Variants in BCL2 observed in about 807,000 individuals in gnomAD.
BCL2 encodes BCL2 apoptosis regulator, also known as apoptosis regulator Bcl-2.
In BCL2, 1 loss-of-function variant was observed where a neutral mutation model predicts 14.2. The ratio of observed to expected loss-of-function variants is 0.07; its 90% CI spans 0.02 to 0.33. BCL2 has a LOEUF of 0.33. Among genes scored for constraint, BCL2 ranks in the 10% least tolerant of loss-of-function variants. The probability of loss-of-function intolerance (pLI) is 0.99; values close to 1 mark genes in which losing one functional copy is unlikely to be tolerated. For synonymous variants in BCL2, 151 were observed against 137.2 expected (o/e 1.10, Z -0.70); for missense variants, 247 against 305.9 (o/e 0.81, Z 1.44).
At chr18:63,300,182 A>G (rs541377680) in intron 2 of BCL2, among the ~76,000 whole-genome samples, 1 of 152,306 alleles carries the variant, frequency 6.6e-6, no homozygotes, top group East Asian at 1.9e-4. Flanking sequence ...AGACAGAATA[A>G]TTTAGATGCA....
intron 2 of BCL2, chr18:63,315,948 T>C (rs747500652): frequency 6.6e-6 from 1 of 152,568 alleles, no homozygotes; most frequent in Admixed American, 6.5e-5. Context: ...TATTTTACCA[T>C]CAACCATCTG....
At chr18:63,175,110 TC>T (rs934776564) in intron 2 of BCL2, among the ~76,000 whole-genome samples, 1 of 152,138 alleles carries the variant, frequency 6.6e-6, no homozygotes, top group Non-Finnish European at 1.5e-5. Context: ...TCAGTCACTC[TC>T]CAAAGCTTGG....
At chr18:63,285,777 T>C (rs1440915275) in intron 2 of BCL2, among the ~76,000 whole-genome samples, 2 of 152,206 alleles carry the variant, frequency 1.3e-5, no homozygotes, top group East Asian at 3.8e-4. Flanking sequence ...GGGTTCTGCA[T>C]CTCAGCATGG....
rs529462479 is a variant in BCL2 at position 63,168,531 on chromosome 18, G to A, written c.586-39772C>T. 1.9e-4 allele frequency among the ~76,000 whole-genome samples: 29 copies of A among 152,266 alleles called. No individual in the cohort carries two copies. In the South Asian group the frequency reaches 5.2e-3, roughly 27 times the overall value. ...TCTTTGCTGGCTGCAGTTCTAACAC[G>A]GACTGATGACTCTGCATGGAGAGTC... On this transcript the variant is annotated intron_variant, in intron 2 of 2. Transcript: ENST00000333681.
chr18:63,140,985 A>G (rs1410023860), intron 2 of BCL2, among the ~76,000 whole-genome samples: 1 of 152,202 alleles, frequency 6.6e-6, no homozygotes, highest in Non-Finnish European at 1.5e-5. Flanking sequence ...ATTCTCCAAA[A>G]GAAAAAAAGG....
At position 63,302,537 on chromosome 18, in the gene BCL2, G is replaced by C. The variant is rs1020602078; in HGVS notation, c.585+15545C>G. ...AAAGTCATAACATGTTGTGCCCAGG[G>C]AAGATGTTGAATTGAAATTTTTTAA... On this transcript the variant is annotated intron_variant, in intron 2 of 2. Transcript: ENST00000333681. The C allele has an allele frequency of 5.9e-5, 58 of 985,210 alleles. No individual in the cohort carries two copies. In the African/African-American group the frequency reaches 9.6e-4, roughly 16 times the overall value. The allele number at this position is 985,210 out of a possible 1,614,324, so 61.0% of individuals were successfully genotyped here.
At chr18:63,292,376 C>A (rs570335866) in intron 2 of BCL2, among the ~76,000 whole-genome samples, 1 of 152,200 alleles carries the variant, frequency 6.6e-6, no homozygotes, top group South Asian at 2.1e-4. Context: ...TTGGATGAGA[C>A]ATGTTATGAT....
intron 2 of BCL2, among the ~76,000 whole-genome samples, chr18:63,143,455 C>T (rs1019408361): frequency 6.6e-6 from 1 of 152,228 alleles, no homozygotes; most frequent in Non-Finnish European, 1.5e-5. Flanking sequence ...CAAGGCCTGT[C>T]AGCATTGTCA....
chr18:63,235,326 C>T (rs1389269513), intron 2 of BCL2, among the ~76,000 whole-genome samples: 1 of 152,160 alleles, frequency 6.6e-6, no homozygotes, highest in Non-Finnish European at 1.5e-5. Flanking sequence ...AACTACCAGG[C>T]ATGGTGTGCA....
At chr18:63,264,453 C>T (rs899547311) in intron 2 of BCL2, among the ~76,000 whole-genome samples, 9 of 152,030 alleles carry the variant, frequency 5.9e-5, no homozygotes, top group African/African-American at 1.2e-4. Flanking sequence ...GTGTCTCCTA[C>T]CCCTGGAATT....
At chr18:63,251,515 G>C (rs1041952840) in intron 2 of BCL2, among the ~76,000 whole-genome samples, 2 of 151,162 alleles carry the variant, frequency 1.3e-5, no homozygotes, top group African/African-American at 4.9e-5. Context: ...CGTGGTGGCG[G>C]GCGCCTGTAG....
chr18:63,241,729 AAC>A (rs1911006552), intron 2 of BCL2, among the ~76,000 whole-genome samples: 1 of 152,240 alleles, frequency 6.6e-6, no homozygotes, highest in Admixed American at 6.5e-5. Context: ...AAGTTCAGCA[AAC>A]ACACAGAAAA....
intron 2 of BCL2, among the ~76,000 whole-genome samples, chr18:63,243,399 A>T (rs1359660431): frequency 6.6e-6 from 1 of 152,206 alleles, no homozygotes; most frequent in Non-Finnish European, 1.5e-5. Flanking sequence ...GATCAGGAAA[A>T]ATAACTAATG....
At chr18:63,130,013 A>G (rs780832183) in intron 2 of BCL2, among the ~76,000 whole-genome samples, 1 of 152,132 alleles carries the variant, frequency 6.6e-6, no homozygotes, top group African/African-American at 2.4e-5. Context: ...TTCCATTCCT[A>G]TCTCTCCATC....
intron 2 of BCL2, among the ~76,000 whole-genome samples, chr18:63,172,852 G>A (rs1471197297): frequency 1.3e-5 from 2 of 152,170 alleles, no homozygotes; most frequent in African/African-American, 4.8e-5. Context: ...AAATGTAAAA[G>A]TATTCAATGA....
At chr18:63,234,919 T>C (rs909899263) in intron 2 of BCL2, among the ~76,000 whole-genome samples, 1 of 152,140 alleles carries the variant, frequency 6.6e-6, no homozygotes, top group East Asian at 1.9e-4. Context: ...AGAGAAGATA[T>C]TTGCTGTGCA....
chr18:63,234,635 C>T (rs933175877), intron 2 of BCL2, among the ~76,000 whole-genome samples: 3 of 152,162 alleles, frequency 2.0e-5, no homozygotes, highest in Non-Finnish European at 2.9e-5. Flanking sequence ...GTGTGCTCAT[C>T]TGTAAAATGG....
At chr18:63,132,982 A>C (rs1914109497) in intron 2 of BCL2, among the ~76,000 whole-genome samples, 1 of 152,230 alleles carries the variant, frequency 6.6e-6, no homozygotes, top group Non-Finnish European at 1.5e-5. Context: ...GTTCACACGG[A>C]AAGGCTGGCA....
chr18:63,129,634 A>G (rs1914011904), intron 2 of BCL2, among the ~76,000 whole-genome samples: 1 of 152,216 alleles, frequency 6.6e-6, no homozygotes, highest in Non-Finnish European at 1.5e-5. Context: ...CTGAAGATGA[A>G]AAAGCTGAGA....
Sources: gnomAD v4.1 joint callset for allele counts (sites outside exome capture counted in the v4.1 genomes callset) on GRCh38, gnomAD v4.1.1 for gene constraint, MANE v1.5 for transcripts, NCBI Gene and HGNC (gene_info 2026-07-23, HGNC 2026-07-21) for gene names.